CCDC85A: variants seen among roughly 807,000 people sequenced by gnomAD.
The protein encoded by CCDC85A is coiled-coil domain-containing protein 85A.
CCDC85A carries 38 observed loss-of-function variants against 50.2 expected under a neutral mutation model. The observed-to-expected ratio is 0.76, with a 90% CI of 0.58 to 0.99. The LOEUF is 0.99. Ranked by LOEUF, CCDC85A falls within the 50% of genes least tolerant of loss-of-function variation. The probability of loss-of-function intolerance (pLI) is 0.00; values close to 1 mark genes in which losing one functional copy is unlikely to be tolerated. For missense variants in CCDC85A, 820 were observed against 742.0 expected, an observed-to-expected ratio of 1.11 and a Z score of -1.22; for synonymous variants, 366 against 301.4, an observed-to-expected ratio of 1.21 and a Z score of -2.22.
intron 2 of CCDC85A, among the ~76,000 whole-genome samples, chr2:56,232,386 G>A (rs1345929449): frequency 2.6e-5 from 4 of 152,194 alleles, no homozygotes; most frequent in Non-Finnish European, 4.4e-5. Context: ...TTTTGATATG[G>A]TTTGGCTCTG....
chr2:56,266,922 G>T (rs1295288377), intron 2 of CCDC85A, among the ~76,000 whole-genome samples: 2 of 152,264 alleles, frequency 1.3e-5, no homozygotes, highest in Middle Eastern at 3.4e-3. Context: ...GGTGTGGTTT[G>T]TTTTGGAGAA....
intron 3 of CCDC85A, among the ~76,000 whole-genome samples, chr2:56,347,799 A>G (rs932154622): frequency 1.3e-5 from 2 of 152,142 alleles, no homozygotes; most frequent in Non-Finnish European, 2.9e-5. Flanking sequence ...TTTTAGCCCA[A>G]ATTCAAAAAC....
chr2:56,305,895 C>G (rs1672422372), intron 2 of CCDC85A, among the ~76,000 whole-genome samples: 1 of 152,118 alleles, frequency 6.6e-6, no homozygotes, highest in East Asian at 1.9e-4. Flanking sequence ...CATTAGGTAC[C>G]CAAAGTGACA....
chr2:56,355,186 A>G (rs1022115287), intron 3 of CCDC85A, among the ~76,000 whole-genome samples: 1 of 152,106 alleles, frequency 6.6e-6, no homozygotes, highest in Non-Finnish European at 1.5e-5. Context: ...GAGTTTTCCA[A>G]TATTCTCTGG....
At chr2:56,359,349 T>C (rs1188919193) in intron 3 of CCDC85A, among the ~76,000 whole-genome samples, 2 of 152,098 alleles carry the variant, frequency 1.3e-5, no homozygotes, top group Non-Finnish European at 2.9e-5. Context: ...AAAGGGAAGA[T>C]CCTCCCATAT....
At chr2:56,356,959 G>C (rs969362587) in intron 3 of CCDC85A, among the ~76,000 whole-genome samples, 20 of 151,520 alleles carry the variant, frequency 1.3e-4, no homozygotes, top group Admixed American at 3.9e-4. Flanking sequence ...GGCACCTGTA[G>C]TCCCAGCTAT....
chr2:56,335,035 A>G (rs899579301), intron 2 of CCDC85A, among the ~76,000 whole-genome samples: 13 of 152,190 alleles, frequency 8.5e-5, no homozygotes, highest in African/African-American at 3.1e-4. Flanking sequence ...TAAAAATTCT[A>G]TTTCTGTTAA....
At chr2:56,350,884 G>T (rs1674893844) in intron 3 of CCDC85A, among the ~76,000 whole-genome samples, 1 of 146,710 alleles carries the variant, frequency 6.8e-6, no homozygotes, top group Non-Finnish European at 1.5e-5. Flanking sequence ...TAAGTTTTAG[G>T]GTACATGTGC....
At chr2:56,199,752 AG>A (rs1676657830) in intron 2 of CCDC85A, among the ~76,000 whole-genome samples, 1 of 152,238 alleles carries the variant, frequency 6.6e-6, no homozygotes, top group Non-Finnish European at 1.5e-5. Flanking sequence ...TGCCCTGCTT[AG>A]AAATGTGTTT....
At chr2:56,364,794 C>T (rs1411568891) in intron 3 of CCDC85A, among the ~76,000 whole-genome samples, 1 of 152,174 alleles carries the variant, frequency 6.6e-6, no homozygotes. Flanking sequence ...TCTAATCCAT[C>T]AATATTGTCC....
intron 2 of CCDC85A, among the ~76,000 whole-genome samples, chr2:56,244,166 T>G (rs1669395665): frequency 6.6e-6 from 1 of 152,092 alleles, no homozygotes; most frequent in Admixed American, 6.5e-5. Flanking sequence ...GGCAGAAAAT[T>G]CCCTTGGGCT....
At chr2:56,239,048 A>C (rs1669144110) in intron 2 of CCDC85A, among the ~76,000 whole-genome samples, 4 of 152,146 alleles carry the variant, frequency 2.6e-5, no homozygotes, top group Admixed American at 2.6e-4. Flanking sequence ...AATAAATGCA[A>C]AGAAGCTTGA....
At chr2:56,201,432 G>A (rs1436045863) in intron 2 of CCDC85A, among the ~76,000 whole-genome samples, 4 of 151,104 alleles carry the variant, frequency 2.6e-5, no homozygotes, top group Admixed American at 6.6e-5. Flanking sequence ...ACATATAGTC[G>A]TTGTTGCATT....
intron 5 of CCDC85A, among the ~76,000 whole-genome samples, chr2:56,382,739 G>A (rs1022471744): frequency 7.9e-5 from 12 of 151,964 alleles, no homozygotes; most frequent in African/African-American, 2.4e-4. Context: ...TTACATCTGG[G>A]TTAAGCTCAT....
intron 2 of CCDC85A, among the ~76,000 whole-genome samples, chr2:56,251,720 T>G (rs150196542): frequency 6.6e-6 from 1 of 151,922 alleles, no homozygotes; most frequent in Non-Finnish European, 1.5e-5. Flanking sequence ...CTTTGGTCCT[T>G]TTACTGATTT....
intron 2 of CCDC85A, among the ~76,000 whole-genome samples, chr2:56,336,622 A>T (rs970231193): frequency 9.2e-5 from 14 of 152,356 alleles, no homozygotes; most frequent in Non-Finnish European, 1.6e-4. Context: ...TAAACCTTTT[A>T]TATACAATCA....
intron 2 of CCDC85A, among the ~76,000 whole-genome samples, chr2:56,326,172 C>G (rs1323218046): frequency 6.6e-6 from 1 of 152,036 alleles, no homozygotes; most frequent in Non-Finnish European, 1.5e-5. Context: ...CTGGGCACAC[C>G]TCAGGTTAAG....
chr2:56,286,684 A>C (rs13410910), intron 2 of CCDC85A, among the ~76,000 whole-genome samples: 15,621 of 152,108 alleles, frequency 0.1, 1,029 homozygotes, highest in East Asian at 0.33. Flanking sequence ...ACTCATTTTT[A>C]CATCTGGGTC....
intron 2 of CCDC85A, among the ~76,000 whole-genome samples, chr2:56,243,299 T>G (rs1376916392): frequency 6.6e-6 from 1 of 152,126 alleles, no homozygotes; most frequent in Non-Finnish European, 1.5e-5. Context: ...ATTTTCCAGA[T>G]GTTGTAGGAG....
Sources: allele counts gnomAD v4.1 joint callset (sites outside exome capture counted in the v4.1 genomes callset), GRCh38; gene constraint gnomAD v4.1.1; transcripts MANE v1.5; gene names NCBI Gene and HGNC (gene_info 2026-07-23, HGNC 2026-07-21).